Variants in SCFD2 observed in about 807,000 individuals in gnomAD.
SCFD2 encodes sec1 family domain-containing protein 2.
SCFD2 carries 54 observed loss-of-function variants against 58.9 expected under a neutral mutation model. The observed-to-expected ratio is 0.92, with a 90% CI of 0.74 to 1.15. SCFD2 has a LOEUF of 1.15. SCFD2 is among the 50% of genes most tolerant of loss of function. SCFD2 has a pLI of 0.00. For synonymous variants in SCFD2, 321 were observed against 335.9 expected (o/e 0.96, Z 0.49); for missense variants, 805 against 836.6 (o/e 0.96, Z 0.47).
intron 3 of SCFD2, among the ~76,000 whole-genome samples, chr4:53,311,524 G>A (rs886397869): frequency 1.4e-4 from 22 of 152,106 alleles, no homozygotes; most frequent in African/African-American, 4.6e-4. Flanking sequence ...GTCCTGAATC[G>A]AGCAATAGAA....
chr4:53,161,363 T>TA (rs1213513299), intron 4 of SCFD2, among the ~76,000 whole-genome samples: 2 of 152,302 alleles, frequency 1.3e-5, no homozygotes, highest in East Asian at 3.9e-4. Flanking sequence ...GCTATCTACT[T>TA]AGAGTTCTTA....
intron 5 of SCFD2, among the ~76,000 whole-genome samples, chr4:53,012,300 AT>A (rs1313404593): frequency 6.6e-6 from 1 of 152,026 alleles, no homozygotes; most frequent in Non-Finnish European, 1.5e-5. Context: ...AGAGGGGTAA[AT>A]TTGAAATAGG....
rs114690718 is a variant in SCFD2, at chr4:53,242,505, A to G, written c.1311+31321T>C. Among the ~76,000 whole-genome samples the G allele has an allele frequency of 2.7e-3, 413 of 152,344 alleles. 1 individual carries two copies. The highest frequency in any genetic ancestry group is 9.5e-3 in the African/African-American group (395 of 41,572). On this transcript the variant is annotated intron_variant, in intron 4 of 8. Coordinates refer to ENST00000401642, the MANE Select transcript of SCFD2 (RefSeq NM_152540.4). Reference sequence around the variant, plus strand: ...CAAAGGACAGCAACTTCAAAGACTGAAGGAACATTAGCCCACAAAGATGAG... The same window carrying G: ...CAAAGGACAGCAACTTCAAAGACTGGAGGAACATTAGCCCACAAAGATGAG...
In SCFD2 at chr4:53,340,187, G is replaced by A. The variant is rs150558297; in HGVS notation, c.1007+12411C>T. On this transcript the variant is annotated intron_variant, in intron 2 of 8. Transcript: ENST00000401642. ...TGAGGCATCACCTTACCTGGGAACC[G>A]CAAGGGGTCAGGGAATTCCCTAACC... Among the ~76,000 whole-genome samples, 1,311 of 152,228 alleles carry A rather than the reference G, an allele frequency of 8.6e-3. 13 individuals are homozygous for A. Among genetic ancestry groups the A allele is most frequent in the Middle Eastern group, 0.048 (14 of 294 alleles).
intron 5 of SCFD2, among the ~76,000 whole-genome samples, chr4:52,941,070 C>A (rs1166289722): frequency 1.3e-5 from 2 of 148,416 alleles, no homozygotes; most frequent in African/African-American, 2.6e-5. Flanking sequence ...CCATAAAAAA[C>A]CATGCTAAAT....
At chr4:53,291,488 T>C (rs1374696763) in intron 3 of SCFD2, among the ~76,000 whole-genome samples, 1 of 152,002 alleles carries the variant, frequency 6.6e-6, no homozygotes, top group Non-Finnish European at 1.5e-5. Flanking sequence ...CACAAGTGAA[T>C]GGAAAAACAT....
At chr4:53,099,879 T>G (rs943639346) in intron 5 of SCFD2, among the ~76,000 whole-genome samples, 1 of 152,120 alleles carries the variant, frequency 6.6e-6, no homozygotes, top group African/African-American at 2.4e-5. Flanking sequence ...TGTCCTTAAT[T>G]TTTTAAAAAA....
intron 2 of SCFD2, among the ~76,000 whole-genome samples, chr4:53,349,586 T>C (rs1476360528): frequency 6.6e-6 from 1 of 152,228 alleles, no homozygotes; most frequent in Admixed American, 6.5e-5. Context: ...CTCTTGTCAC[T>C]TGCCCATTTC....
At chr4:52,979,065 T>G (rs951505647) in intron 5 of SCFD2, among the ~76,000 whole-genome samples, 26 of 146,990 alleles carry the variant, frequency 1.8e-4, no homozygotes, top group Middle Eastern at 3.6e-3. Context: ...GGCCTTTTTT[T>G]GGGGGGGGGA....
chr4:53,136,322 G>C (rs1725940195), intron 5 of SCFD2, among the ~76,000 whole-genome samples: 1 of 152,102 alleles, frequency 6.6e-6, no homozygotes, highest in African/African-American at 2.4e-5. Context: ...AACCTTTTGT[G>C]GCCTCAATTA....
At chr4:53,148,235 G>A (rs1269415410) in intron 4 of SCFD2, among the ~76,000 whole-genome samples, 1 of 152,146 alleles carries the variant, frequency 6.6e-6, no homozygotes, top group East Asian at 1.9e-4. Context: ...ATGATCATTT[G>A]TAAAGATTCA....
At chr4:53,238,027 G>C (rs1476928217) in intron 4 of SCFD2, among the ~76,000 whole-genome samples, 1 of 142,742 alleles carries the variant, frequency 7.0e-6, no homozygotes, top group Non-Finnish European at 1.5e-5. Flanking sequence ...CTCCCTCCAA[G>C]ATGGGGTGGC....
intron 8 of SCFD2, among the ~76,000 whole-genome samples, chr4:52,882,563 T>A (rs1001087275): frequency 6.6e-6 from 1 of 152,164 alleles, no homozygotes; most frequent in Non-Finnish European, 1.5e-5. Context: ...GGGCATAATC[T>A]AATCAGCTGC....
At chr4:52,923,411 G>C (rs921353127) in intron 5 of SCFD2, among the ~76,000 whole-genome samples, 2 of 151,990 alleles carry the variant, frequency 1.3e-5, no homozygotes, top group Admixed American at 6.6e-5. Context: ...CCGGGAGTTG[G>C]AGGTTGCAGT....
chr4:52,965,902 T>C (rs528477138), intron 5 of SCFD2, among the ~76,000 whole-genome samples: 1 of 152,376 alleles, frequency 6.6e-6, no homozygotes, highest in Non-Finnish European at 1.5e-5. Context: ...TACTCTATGC[T>C]AATAATGCTA....
At chr4:53,271,036 A>AG (rs1731145364) in intron 4 of SCFD2, among the ~76,000 whole-genome samples, 1 of 152,074 alleles carries the variant, frequency 6.6e-6, no homozygotes, top group Non-Finnish European at 1.5e-5. Context: ...GGATTCAGAA[A>AG]GTTTTTTTTT....
At chr4:52,886,300 CAG>C (rs970978656) in intron 7 of SCFD2, among the ~76,000 whole-genome samples, 2 of 152,202 alleles carry the variant, frequency 1.3e-5, no homozygotes, top group African/African-American at 4.8e-5. Flanking sequence ...CAGTCACACA[CAG>C]AGAAAAACCA....
At chr4:53,127,883 C>G (rs1725674684) in intron 5 of SCFD2, among the ~76,000 whole-genome samples, 1 of 150,956 alleles carries the variant, frequency 6.6e-6, no homozygotes, top group Non-Finnish European at 1.5e-5. Flanking sequence ...GGGTGTAGCA[C>G]ACTATTTGGT....
At chr4:53,291,289 A>G (rs1731831696) in intron 3 of SCFD2, among the ~76,000 whole-genome samples, 1 of 152,188 alleles carries the variant, frequency 6.6e-6, no homozygotes, top group Non-Finnish European at 1.5e-5. Flanking sequence ...GGCTACCTTA[A>G]CATATGCAAA....
Sources: gnomAD v4.1 joint callset for allele counts (sites outside exome capture counted in the v4.1 genomes callset) on GRCh38, gnomAD v4.1.1 for gene constraint, MANE v1.5 for transcripts, NCBI Gene and HGNC (gene_info 2026-07-23, HGNC 2026-07-21) for gene names.